CPT1B: variants seen among roughly 807,000 people sequenced by gnomAD.
CPT1B encodes the protein carnitine palmitoyltransferase 1B, also known as carnitine O-palmitoyltransferase 1, muscle isoform.
Under a neutral mutation model 92.7 loss-of-function variants are expected in CPT1B, and 57 were observed. That is an observed-to-expected ratio of 0.62 (90% CI 0.50 to 0.77). The LOEUF (loss-of-function observed/expected upper bound fraction) is 0.77. Ranked by LOEUF, CPT1B falls within the 30% of genes least tolerant of loss-of-function variation. CPT1B has a pLI of 0.00. For missense variants in CPT1B, 983 were observed against 1,017.4 expected (o/e 0.97, Z 0.46); for synonymous variants, 398 against 383.5 (o/e 1.04, Z -0.44).
At position 50,573,897 on chromosome 22, in the gene CPT1B, T is replaced by C. The variant is rs943433519; in HGVS notation, c.971-182A>G. 14 of 718,024 alleles carry C rather than the reference T, an allele frequency of 1.9e-5. No individual in the cohort carries two copies. In the African/African-American group the frequency reaches 2.4e-4, roughly 13 times the overall value. 44.5% of individuals were successfully genotyped at this position (718,024 alleles called of 1,614,324 possible). A position where few individuals can be genotyped will look rare whatever the true frequency, so the allele number is the denominator to read the frequency against. On this transcript the variant is annotated intron_variant, in intron 9 of 19. Transcript: ENST00000312108. This position sits in a 1 kb window ranked among gnomAD's most constrained non-coding sequence, Gnocchi z 5.0. ...CAGGCCCTGTGCTGGGTGCTTCCAC[T>C]CTCTCTCACGCAACACCAACAATCC...
At chr22:50,574,468 C>T in intron 8 of CPT1B, 25 bp downstream of exon 8, 1 of 1,613,980 alleles carries the variant, frequency 6.2e-7, no homozygotes, top group Non-Finnish European at 8.5e-7. Flanking sequence ...CCTCCCATCC[C>T]ACCTTCAACC....
At chr22:50,574,446 A>G in intron 8 of CPT1B, 27 bp from the exon 9 acceptor site, 1 of 1,613,594 alleles carries the variant, frequency 6.2e-7, no homozygotes. Flanking sequence ...CATGGCTCAG[A>G]CTCAGGTCTC....
chr22:50,576,459 C>T (rs949925930), intron 5 of CPT1B, 77 bp downstream of exon 5: 13 of 1,601,008 alleles, frequency 8.1e-6, no homozygotes, highest in African/African-American at 5.4e-5. Context: ...CCACTCTTTG[C>T]ACAGAACCTT....
chr22:50,577,856 G>C lies in CPT1B; in HGVS notation c.60C>G (p.Asp20Glu). The change falls in exon 2 of 20, where the codon GAC becomes GAG. Residue 20 changes from aspartate to glutamate, a missense_variant. By Grantham distance (45) the Asp-to-Glu change is conservative (BLOSUM62 2). Coordinates refer to ENST00000312108, the MANE Select transcript of CPT1B (RefSeq NM_152246.3). The part of the protein sequence containing the change: ...FQFTVTPDGV[D>E]FRLSREALKH... ...TCAGGGCCTCCCGACTGAGCCGGAA[G>C]TCGACCCCGTCTGGGGTCACCGTGA... The C allele has an allele frequency of 1.2e-6, 2 of 1,613,738 alleles. No homozygotes were observed. Among genetic ancestry groups the C allele is most frequent in the East Asian group, 4.5e-5 (2 of 44,890 alleles).
upstream of CPT1B, chr22:50,578,540 C>G (rs1459968878): frequency 6.3e-6 from 1 of 157,602 alleles, no homozygotes; most frequent in Non-Finnish European, 1.4e-5. Context: ...AGAACCAGAA[C>G]CCACCCACCT....
At position 50,577,415 on chromosome 22, in the gene CPT1B, C is replaced by G. The variant is rs1039032441; in HGVS notation, c.190G>C (p.Val64Leu). The change falls in exon 3 of 20, where the codon GTC (valine) becomes CTC (leucine). Residue 64 changes from valine (V) to leucine (L), a missense_variant. Physicochemically the swap from Val to Leu is conservative, Grantham distance 32. Coordinates refer to ENST00000312108, the MANE Select transcript of CPT1B (RefSeq NM_152246.3). ...GAACCCACTGTTGCCATGATGACGACCAGCCAGCTGGTGGGGCTGCCAGGG... is the reference window on the plus strand; with the variant it reads ...GAACCCACTGTTGCCATGATGACGAGCAGCCAGCTGGTGGGGCTGCCAGGG... ...VYPGSPTSWL[V>L]VIMATVGSSF... 3 of 1,613,910 alleles carry G rather than the reference C, an allele frequency of 1.9e-6. No individual in the cohort carries two copies. Among genetic ancestry groups the G allele is most frequent in the Non-Finnish European group, 2.5e-6 (3 of 1,179,998 alleles).
chr22:50,577,049 C>G lies in CPT1B; in HGVS notation c.282-15G>C. On this transcript the variant is annotated splice_polypyrimidine_tract_variant and intron_variant, in intron 3 of 19. Coordinates refer to ENST00000312108, the MANE Select transcript of CPT1B (RefSeq NM_152246.3). Reference sequence around the variant, plus strand: ...AGGGGCCACACCTATTGGAGAGGGGCAAGGGCTGCAGGGGGTCCTCTTGAG... The same window carrying G: ...AGGGGCCACACCTATTGGAGAGGGGGAAGGGCTGCAGGGGGTCCTCTTGAG... 6.2e-7 allele frequency: 1 copy of G among 1,612,878 alleles called. No homozygotes were observed. Among genetic ancestry groups the G allele is most frequent in the Non-Finnish European group, 8.5e-7 (1 of 1,179,308 alleles).
At chr22:50,576,665 T>G (rs1603443517) in intron 4 of CPT1B, 28 bp from the exon 5 acceptor site, 1 of 1,602,664 alleles carries the variant, frequency 6.2e-7, no homozygotes. Flanking sequence ...AGTGCTGGGG[T>G]GGGAGCCAGT....
At chr22:50,577,173 A>G in intron 3 of CPT1B, 139 bp from the exon 4 acceptor site, 1 of 1,368,244 alleles carries the variant, frequency 7.3e-7, no homozygotes, top group South Asian at 1.3e-5. Context: ...GAGCGGATGT[A>G]GGGCTAAGAC....
At chr22:50,572,160 C>G (rs2070208933) in intron 12 of CPT1B, 38 bp from the exon 13 acceptor site, 1 of 1,611,694 alleles carries the variant, frequency 6.2e-7, no homozygotes, top group South Asian at 1.1e-5. Context: ...CTGGCCTCAT[C>G]CCCTACAGCC....
intron 7 of CPT1B, among the ~76,000 whole-genome samples, chr22:50,575,417 T>C (rs2146633530): frequency 6.6e-6 from 1 of 152,266 alleles, no homozygotes; most frequent in African/African-American, 2.4e-5. Flanking sequence ...TATGGGCAAG[T>C]TGTGTGTAAG....
chr22:50,572,854 GTGGGGC>G lies in CPT1B; in HGVS notation c.1352+15_1352+20del. 6.3e-7 allele frequency: 1 copy of G among 1,595,884 alleles called. No homozygotes were observed. The highest frequency in any genetic ancestry group is 1.1e-5 in the South Asian group (1 of 90,730). ...AACTTTTAACCTTAAGCTGTAACCT[GTGGGGC>G]TGGGGCTGCCGTACCTGTTGTAGCA... On this transcript the variant is annotated intron_variant, in intron 11 of 19. Coordinates refer to ENST00000312108, the MANE Select transcript of CPT1B (RefSeq NM_152246.3).
Position 50,573,453 on chromosome 22 carries a change from G to T in CPT1B, c.1166+67C>A. The T allele has an allele frequency of 7.0e-7, 1 of 1,423,640 alleles. No homozygotes were observed. The highest frequency in any genetic ancestry group is 1.4e-5 in the African/African-American group (1 of 70,244). 88.2% of individuals were successfully genotyped at this position (1,423,640 alleles called of 1,614,324 possible). Reference sequence around the variant, plus strand: ...CTCCAGTTCCAGGGTGGCAGGCAGGGCCACGCTCCTCTCCTCACGGAGCCC... The same window carrying T: ...CTCCAGTTCCAGGGTGGCAGGCAGGTCCACGCTCCTCTCCTCACGGAGCCC... On this transcript the variant is annotated intron_variant, in intron 10 of 19. Coordinates refer to ENST00000312108, the MANE Select transcript of CPT1B (RefSeq NM_152246.3). This position sits in a 1 kb window ranked among gnomAD's most constrained non-coding sequence, Gnocchi z 5.0.
rs1410605313 is a variant in CPT1B at position 50,571,445 on chromosome 22, C to T, written c.1670G>A (p.Gly557Asp). 6.2e-7 allele frequency: 1 copy of T among 1,613,720 alleles called. No individual in the cohort carries two copies. The highest frequency in any genetic ancestry group is 1.1e-5 in the South Asian group (1 of 91,084). The change falls in exon 14 of 20, where the codon GGC becomes GAC. Residue 557 changes from glycine to aspartate, a missense_variant. Coordinates refer to ENST00000312108, the MANE Select transcript of CPT1B (RefSeq NM_152246.3). ...GCTGGTCCGGCACTTCTTGATGAGG[C>T]CTTTGCCAAAGGGCAGGAACTGGAA... ...YCFQFLPFGK[G>D]LIKKCRTSPD...
chr22:50,571,338 A>T, intron 14 of CPT1B, 37 bp downstream of exon 14: 1 of 1,613,642 alleles, frequency 6.2e-7, no homozygotes, highest in Non-Finnish European at 8.5e-7. Context: ...CCCTGGTACC[A>T]CCCTGCCCTC....
intron 19 of CPT1B, 52 bp downstream of exon 19, chr22:50,569,284 G>T: frequency 3.8e-6 from 6 of 1,576,926 alleles, no homozygotes; most frequent in Non-Finnish European, 5.2e-6. Context: ...AGCTGCCACA[G>T]GTCCCTTCCT....
chr22:50,576,062 G>C lies in CPT1B; in HGVS notation c.750C>G (p.Leu250=). The change falls in exon 7 of 20, where the codon CTC becomes CTG. Residue 250 remains leucine, a synonymous_variant. Coordinates refer to ENST00000312108, the MANE Select transcript of CPT1B (RefSeq NM_152246.3). ...TGACATAATAGTTGCTGTTCACCAT[G>C]AGAGGGCTCCTGCCTCGAAGGTAGA... ...EYIYLRGRSP[L]MVNSNYYVMD... is the part of the protein sequence containing the mutation. 2.5e-6 allele frequency: 4 copies of C among 1,614,144 alleles called. No individual in the cohort carries two copies. The highest frequency in any genetic ancestry group is 3.4e-6 in the Non-Finnish European group (4 of 1,180,032).
intron 11 of CPT1B, among the ~76,000 whole-genome samples, chr22:50,572,509 C>T (rs1418886999): frequency 2.6e-5 from 4 of 151,890 alleles, no homozygotes; most frequent in Non-Finnish European, 5.9e-5. Context: ...CATAACCTCC[C>T]GGGTTCAAGG....
In CPT1B at chr22:50,576,929, C is replaced by G. The variant is rs754553367; in HGVS notation, c.387G>C (p.Lys129Asn). ...TCCACCCATGGTAGCAGAGAAGCAG[C>G]TTCAGGGTTTGGCGGAAGAAGAAGA... The part of the protein sequence containing the change: ...TGIFFFRQTL[K>N]LLLCYHGWMF... The change falls in exon 4 of 20, where the codon AAG (lysine) becomes AAC (asparagine). Residue 129 changes from lysine (K) to asparagine (N), a missense_variant. Coordinates refer to ENST00000312108, the MANE Select transcript of CPT1B (RefSeq NM_152246.3). The G allele has an allele frequency of 3.1e-6, 5 of 1,613,976 alleles. No individual in the cohort carries two copies. Among genetic ancestry groups the G allele is most frequent in the Non-Finnish European group, 4.2e-6 (5 of 1,180,036 alleles).
Sources: allele counts gnomAD v4.1 joint callset (sites outside exome capture counted in the v4.1 genomes callset), GRCh38; gene constraint gnomAD v4.1.1; non-coding constraint Gnocchi (gnomAD v3.1); transcripts MANE v1.5; gene names NCBI Gene and HGNC (gene_info 2026-07-23, HGNC 2026-07-21).